SP140L: variants seen among roughly 807,000 people sequenced by gnomAD.
SP140L encodes the protein SP140 like nuclear body protein.
In SP140L, 64 loss-of-function variants were observed where a neutral mutation model predicts 84.3. The ratio of observed to expected loss-of-function variants is 0.76; its 90% CI spans 0.62 to 0.94. The LOEUF (loss-of-function observed/expected upper bound fraction) is 0.94. SP140L is among the 40% of genes least tolerant of loss of function. The pLI, the probability that SP140L is intolerant of heterozygous loss-of-function variation, is 0.00. For synonymous variants in SP140L, 242 were observed against 236.9 expected (o/e 1.02, Z -0.20); for missense variants, 628 against 692.5 (o/e 0.91, Z 1.05).
chr2:230,362,605 A>AGAG (rs2060751796), intron 5 of SP140L, among the ~76,000 whole-genome samples: 1 of 131,694 alleles, frequency 7.6e-6, no homozygotes, highest in Non-Finnish European at 1.5e-5. Flanking sequence ...CATGTTATTA[A>AGAG]CAGCTCACTT....
chr2:230,366,819 C>T (rs768522491), intron 5 of SP140L, among the ~76,000 whole-genome samples: 10 of 151,310 alleles, frequency 6.6e-5, no homozygotes, highest in African/African-American at 9.7e-5. Context: ...CTGCAACCTT[C>T]GTCTCCGGAT....
At chr2:230,400,726 C>A (rs1446624842) in intron 15 of SP140L, 7 of 971,814 alleles carry the variant, frequency 7.2e-6, no homozygotes, top group Non-Finnish European at 1.1e-5. Flanking sequence ...AGTCCCCACT[C>A]ACGGTGACAC....
intron 2 of SP140L, among the ~76,000 whole-genome samples, chr2:230,351,628 C>T (rs1222010917): frequency 6.6e-6 from 1 of 152,096 alleles, no homozygotes; most frequent in Non-Finnish European, 1.5e-5. Context: ...TATATTCTGT[C>T]ATTTCAATAT....
At chr2:230,341,505 CT>C in intron 2 of SP140L, among the ~76,000 whole-genome samples, 3 of 149,938 alleles carry the variant, frequency 2.0e-5, no homozygotes. Flanking sequence ...CAAAGTCATT[CT>C]CCATCCAGCT....
intron 2 of SP140L, among the ~76,000 whole-genome samples, chr2:230,352,772 C>T (rs533103310): frequency 6.6e-6 from 1 of 151,922 alleles, no homozygotes; most frequent in African/African-American, 2.4e-5. Flanking sequence ...TAGCCTATCG[C>T]ATTAGCTAAA....
At chr2:230,328,602 G>A (rs973498495) in intron 1 of SP140L, among the ~76,000 whole-genome samples, 155 bp from the exon 2 acceptor site, 8 of 152,054 alleles carry the variant, frequency 5.3e-5, no homozygotes, top group Admixed American at 2.6e-4. Context: ...AATTGTTCAC[G>A]TTTATCAATA....
chr2:230,387,648 C>A (rs991700535), intron 9 of SP140L, among the ~76,000 whole-genome samples: 12 of 152,146 alleles, frequency 7.9e-5, no homozygotes, highest in African/African-American at 2.9e-4. Flanking sequence ...TGGTGGACAT[C>A]CAGCACAAGG....
chr2:230,381,739 C>T (rs148570206), intron 7 of SP140L, among the ~76,000 whole-genome samples: 62,078 of 149,974 alleles, frequency 0.41, 13,560 homozygotes, highest in South Asian at 0.65. Context: ...CACACACACA[C>T]ACACACACAC....
intron 9 of SP140L, 74 bp downstream of exon 9, chr2:230,385,378 A>G: frequency 7.0e-7 from 1 of 1,424,266 alleles, no homozygotes; most frequent in Non-Finnish European, 9.8e-7. Flanking sequence ...AGGAGCCTAG[A>G]AGCTTTATTG....
chr2:230,393,946 A>G (rs990687149), intron 13 of SP140L, among the ~76,000 whole-genome samples: 4 of 152,238 alleles, frequency 2.6e-5, no homozygotes, highest in Admixed American at 1.3e-4. Context: ...ATTTCATGAA[A>G]TAGGTAATAA....
chr2:230,395,108 A>G (rs1378097412), intron 13 of SP140L, among the ~76,000 whole-genome samples: 1 of 152,108 alleles, frequency 6.6e-6, no homozygotes, highest in Non-Finnish European at 1.5e-5. Flanking sequence ...GGCTGGGATT[A>G]CAGGTGCCTG....
At chr2:230,385,400 A>C in intron 9 of SP140L, 96 bp downstream of exon 9, 1 of 1,142,212 alleles carries the variant, frequency 8.8e-7, no homozygotes. Context: ...TTACTAGTCA[A>C]ACTTAGTCAA....
intron 7 of SP140L, among the ~76,000 whole-genome samples, chr2:230,375,849 A>G (rs929399402): frequency 6.6e-6 from 1 of 152,140 alleles, no homozygotes; most frequent in Non-Finnish European, 1.5e-5. Context: ...ATTTTCTCCT[A>G]TTCCATAGGT....
intron 14 of SP140L, 28 bp from the exon 15 acceptor site, chr2:230,400,099 G>T: frequency 6.2e-7 from 1 of 1,612,548 alleles, no homozygotes; most frequent in Middle Eastern, 1.8e-4. Flanking sequence ...GTGATTCCCA[G>T]TGACGTGGAC....
At chr2:230,391,769 G>C (rs1007999098) in intron 11 of SP140L, 4 of 241,730 alleles carry the variant, frequency 1.7e-5, no homozygotes, top group African/African-American at 6.6e-5. Flanking sequence ...CAGCAAGTTG[G>C]AGTCCTCTCA....
intron 12 of SP140L, 57 bp from the exon 13 acceptor site, chr2:230,393,357 A>G: frequency 6.5e-7 from 1 of 1,529,996 alleles, no homozygotes; most frequent in Non-Finnish European, 8.8e-7. Flanking sequence ...TGGAAATGCC[A>G]GACTCACAAA....
At chr2:230,391,932 A>G in intron 11 of SP140L, 155 bp from the exon 12 acceptor site, 1 of 1,006,014 alleles carries the variant, frequency 9.9e-7, no homozygotes, top group Non-Finnish European at 1.5e-6. Context: ...TTCAGGCTGG[A>G]TTTGGGGCCT....
At chr2:230,397,647 C>A (rs2062110524) in intron 14 of SP140L, among the ~76,000 whole-genome samples, 1 of 152,174 alleles carries the variant, frequency 6.6e-6, no homozygotes, top group Admixed American at 6.5e-5. Context: ...TCTTGCACAA[C>A]TCCAGGGGGC....
chr2:230,333,164 A>ATTT lies in SP140L; in HGVS notation c.107+4346_107+4348dup, dbSNP rs777170281. 6.5e-4 allele frequency among the ~76,000 whole-genome samples: 94 copies of ATTT among 143,630 alleles called. No homozygotes were observed. The East Asian group carries it at 8.4e-3, about 13-fold the overall frequency. 94.2% of individuals were successfully genotyped at this position (143,630 alleles called of 152,430 possible). A position where few individuals can be genotyped will look rare whatever the true frequency, so the allele number is the denominator to read the frequency against. ...TAATAAGAAGTCGAATGCCATTCTG[A>ATTT]TTTTTTTTTTTTTTTGATGGAGTCT... On this transcript the variant is annotated intron_variant, in intron 2 of 18. Coordinates refer to ENST00000415673, the MANE Select transcript of SP140L (RefSeq NM_138402.6).
Sources: gnomAD v4.1 joint callset for allele counts (sites outside exome capture counted in the v4.1 genomes callset) on GRCh38, gnomAD v4.1.1 for gene constraint, MANE v1.5 for transcripts, NCBI Gene and HGNC (gene_info 2026-07-23, HGNC 2026-07-21) for gene names.